RBMS3: variants seen among roughly 807,000 people sequenced by gnomAD.
The protein encoded by RBMS3 is RNA-binding motif, single-stranded-interacting protein 3.
In RBMS3, 27 loss-of-function variants were observed where a neutral mutation model predicts 66.8. The observed-to-expected ratio is 0.40, with a 90% CI of 0.30 to 0.56. RBMS3 has a LOEUF of 0.56. RBMS3 is among the 20% of genes least tolerant of loss of function. The probability of loss-of-function intolerance (pLI) is 0.40; values close to 1 mark genes in which losing one functional copy is unlikely to be tolerated. For missense variants in RBMS3, 513 were observed against 549.5 expected (o/e 0.93, Z 0.66); for synonymous variants, 188 against 183.0 (o/e 1.03, Z -0.22).
intron 4 of RBMS3, among the ~76,000 whole-genome samples, chr3:29,656,049 G>A (rs1467643133): frequency 1.3e-5 from 2 of 151,872 alleles, no homozygotes; most frequent in Non-Finnish European, 2.9e-5. Context: ...TGTGTTTTAA[G>A]GTAGGTTATT....
chr3:29,714,364 G>A (rs931677998), intron 4 of RBMS3, among the ~76,000 whole-genome samples: 8 of 152,188 alleles, frequency 5.3e-5, no homozygotes, highest in Admixed American at 1.3e-4. Flanking sequence ...CAACAGATGG[G>A]TTAAAGTTAC....
chr3:29,334,594 A>G (rs1281318808), intron 1 of RBMS3, among the ~76,000 whole-genome samples: 1 of 152,164 alleles, frequency 6.6e-6, no homozygotes, highest in Non-Finnish European at 1.5e-5. Flanking sequence ...CTGACACACT[A>G]AATATGGACT....
At position 29,990,412 on chromosome 3, in the gene RBMS3, G is replaced by A. The variant is rs575023874; in HGVS notation, c.1180-670G>A. On this transcript the variant is annotated intron_variant, in intron 13 of 14. Transcript: ENST00000383767. ...CTCTGGATTCCAAAAATATATTCCTGATTGTGACCAATTCCGGAAATCCAC... is the reference window on the plus strand; with the variant it reads ...CTCTGGATTCCAAAAATATATTCCTAATTGTGACCAATTCCGGAAATCCAC... Among the ~76,000 whole-genome samples, 12 of 135,674 alleles carry A rather than the reference G, an allele frequency of 8.8e-5. No homozygotes were observed. The South Asian group carries it at 1.9e-3, about 21-fold the overall frequency. The allele number at this position is 135,674 out of a possible 152,430, so 89.0% of individuals were successfully genotyped here. A position where few individuals can be genotyped will look rare whatever the true frequency, so the allele number is the denominator to read the frequency against.
chr3:29,423,540 A>G (rs554923306), intron 1 of RBMS3, among the ~76,000 whole-genome samples: 14 of 152,326 alleles, frequency 9.2e-5, no homozygotes, highest in Admixed American at 8.5e-4. Context: ...AACTAGTAGC[A>G]TAGCATAGAA....
intron 4 of RBMS3, chr3:29,698,525 G>T: frequency 3.0e-6 from 3 of 985,272 alleles, no homozygotes; most frequent in Non-Finnish European, 3.6e-6. Context: ...TTTTATGGAT[G>T]GTGGGTCAAG....
intron 4 of RBMS3, chr3:29,698,050 C>A: frequency 4.5e-6 from 1 of 221,356 alleles, no homozygotes; most frequent in Non-Finnish European, 7.6e-6. Context: ...GTCTTAACAA[C>A]TAAGGGGGAA....
chr3:29,762,733 A>T (rs901721540), intron 5 of RBMS3, among the ~76,000 whole-genome samples, 177 bp from the exon 6 acceptor site: 1 of 152,128 alleles, frequency 6.6e-6, no homozygotes, highest in Non-Finnish European at 1.5e-5. Flanking sequence ...CTTTCTAAGC[A>T]TTAATGAGTT....
chr3:29,629,080 T>C (rs553489106), intron 4 of RBMS3, among the ~76,000 whole-genome samples: 27 of 152,118 alleles, frequency 1.8e-4, no homozygotes, highest in Non-Finnish European at 3.2e-4. Context: ...TGATTGTATC[T>C]GGTTGGTAGC....
chr3:29,480,348 G>T (rs965689713), intron 2 of RBMS3, among the ~76,000 whole-genome samples: 2 of 152,170 alleles, frequency 1.3e-5, no homozygotes, highest in Non-Finnish European at 2.9e-5. Context: ...AATTATTACT[G>T]TAGTGGATAT....
chr3:29,590,565 A>T (rs2149098993), intron 4 of RBMS3, among the ~76,000 whole-genome samples: 1 of 151,850 alleles, frequency 6.6e-6, no homozygotes, highest in East Asian at 1.9e-4. Context: ...ATGAAGATTG[A>T]ATAAAAAATT....
intron 4 of RBMS3, among the ~76,000 whole-genome samples, chr3:29,618,128 C>T (rs1217141598): frequency 6.6e-6 from 1 of 152,086 alleles, no homozygotes; most frequent in Non-Finnish European, 1.5e-5. Flanking sequence ...CATAGACTAC[C>T]TCAGAACATT....
chr3:30,000,024 A>AC (rs1256007482), intron 14 of RBMS3, among the ~76,000 whole-genome samples: 1 of 152,090 alleles, frequency 6.6e-6, no homozygotes, highest in Non-Finnish European at 1.5e-5. Flanking sequence ...AACAGCAAAA[A>AC]GAAGCCAAAC....
At chr3:29,924,224 C>G (rs1229355572) in intron 10 of RBMS3, among the ~76,000 whole-genome samples, 1 of 152,098 alleles carries the variant, frequency 6.6e-6, no homozygotes, top group African/African-American at 2.4e-5. Flanking sequence ...CACAACCCCA[C>G]CGGAAAAATG....
intron 4 of RBMS3, among the ~76,000 whole-genome samples, chr3:29,622,260 A>C (rs920261569): frequency 1.3e-5 from 2 of 152,204 alleles, no homozygotes; most frequent in Non-Finnish European, 2.9e-5. Context: ...GCCTGAAAAA[A>C]TATCCAAATA....
intron 4 of RBMS3, among the ~76,000 whole-genome samples, chr3:29,639,231 T>C (rs2049590689): frequency 6.6e-6 from 1 of 151,748 alleles, no homozygotes; most frequent in Non-Finnish European, 1.5e-5. Context: ...TTTATCTACT[T>C]TTACAAAAAG....
chr3:29,896,608 G>A (rs190786542), intron 8 of RBMS3, among the ~76,000 whole-genome samples: 176 of 151,630 alleles, frequency 1.2e-3, no homozygotes, highest in African/African-American at 4.0e-3. Context: ...GTAACTCATC[G>A]ACTCTACAGT....
chr3:29,805,487 G>C (rs1193079192), intron 6 of RBMS3, among the ~76,000 whole-genome samples: 2 of 152,002 alleles, frequency 1.3e-5, no homozygotes, highest in African/African-American at 2.4e-5. Flanking sequence ...GTTATCATAG[G>C]AGATGACAGC....
intron 3 of RBMS3, among the ~76,000 whole-genome samples, chr3:29,579,480 C>T (rs2047248797): frequency 6.6e-6 from 1 of 152,096 alleles, no homozygotes; most frequent in South Asian, 2.1e-4. Context: ...ATGGGACAGC[C>T]AGGAATGAAA....
chr3:29,642,555 A>G (rs1438101333), intron 4 of RBMS3: 1 of 152,132 alleles, frequency 6.6e-6, no homozygotes, highest in East Asian at 1.9e-4. Context: ...AGGCCAGGCT[A>G]TAACACCTGA....
Sources: gnomAD v4.1 joint callset for allele counts (sites outside exome capture counted in the v4.1 genomes callset) on GRCh38, gnomAD v4.1.1 for gene constraint, MANE v1.5 for transcripts, NCBI Gene and HGNC (gene_info 2026-07-23, HGNC 2026-07-21) for gene names.